Variants in THSD7B observed in about 807,000 individuals in gnomAD.
The protein encoded by THSD7B is thrombospondin type 1 domain containing 7B, also known as thrombospondin type-1 domain-containing protein 7B.
In THSD7B, 138 loss-of-function variants were observed where a neutral mutation model predicts 213.6. The observed-to-expected ratio is 0.65, with a 90% CI of 0.56 to 0.74. The LOEUF (loss-of-function observed/expected upper bound fraction) is 0.74. THSD7B is among the 30% of genes least tolerant of loss of function. THSD7B has a pLI of 0.00. For missense variants in THSD7B, 1,931 were observed against 1,991.5 expected (o/e 0.97, Z 0.58); for synonymous variants, 742 against 687.0 (o/e 1.08, Z -1.25).
At chr2:137,091,940 C>T (rs1328009034) in intron 3 of THSD7B, among the ~76,000 whole-genome samples, 2 of 152,120 alleles carry the variant, frequency 1.3e-5, no homozygotes, top group Non-Finnish European at 2.9e-5. Flanking sequence ...CTCCCCCAGC[C>T]TCTGCTTTAC....
rs59620213 is a variant in THSD7B at position 137,575,725 on chromosome 2, C to CACATATAT, written c.3423+3170_3423+3171insCATATATA. On this transcript the variant is annotated intron_variant, in intron 17 of 27. Transcript: ENST00000409968. ...TGTTTTTTCTTATTCCCATAACACA[C>CACATATAT]ATATATATATATATATATTTTTACT... Among the ~76,000 whole-genome samples, 677 of 110,852 alleles carry CACATATAT rather than the reference C, an allele frequency of 6.1e-3. 6 individuals are homozygous for CACATATAT. The highest frequency in any genetic ancestry group is 0.018 in the African/African-American group (592 of 32,160). 72.7% of individuals were successfully genotyped at this position (110,852 alleles called of 152,430 possible). A position where few individuals can be genotyped will look rare whatever the true frequency, so the allele number is the denominator to read the frequency against.
intron 15 of THSD7B, among the ~76,000 whole-genome samples, chr2:137,561,305 G>T (rs1016891456): frequency 8.5e-5 from 13 of 152,092 alleles, no homozygotes; most frequent in African/African-American, 3.1e-4. Context: ...GTTTGACCTT[G>T]GGGCTTTATA....
chr2:137,318,827 T>C (rs1456729853), intron 12 of THSD7B, among the ~76,000 whole-genome samples: 2 of 112,586 alleles, frequency 1.8e-5, no homozygotes, highest in Admixed American at 2.8e-4. Flanking sequence ...GGAGTCTCAC[T>C]CTTGTTGCCC....
intron 12 of THSD7B, among the ~76,000 whole-genome samples, chr2:137,372,196 A>G (rs912483571): frequency 6.6e-6 from 1 of 151,912 alleles, no homozygotes; most frequent in African/African-American, 2.4e-5. Context: ...GGAAGACCTG[A>G]TTGTCAGTCT....
intron 12 of THSD7B, among the ~76,000 whole-genome samples, chr2:137,295,067 G>C (rs1363286630): frequency 6.6e-6 from 1 of 151,672 alleles, no homozygotes; most frequent in African/African-American, 2.4e-5. Context: ...CTCTCCCCCT[G>C]TATCTCTGCT....
At chr2:137,083,765 A>T (rs1276978602) in intron 3 of THSD7B, among the ~76,000 whole-genome samples, 1 of 152,072 alleles carries the variant, frequency 6.6e-6, no homozygotes, top group Admixed American at 6.6e-5. Context: ...CTGAGTTAGA[A>T]TCTGTAAGCT....
chr2:137,656,788 C>T lies in THSD7B; in HGVS notation c.4106-8C>T. ...GTTTTCTCCACCCTGTACTGCATGACTGTCCAGGAGACTGCCATTTAACAG... is the reference window on the plus strand; with the variant it reads ...GTTTTCTCCACCCTGTACTGCATGATTGTCCAGGAGACTGCCATTTAACAG... On this transcript the variant is annotated splice_polypyrimidine_tract_variant and splice_region_variant and intron_variant, in intron 22 of 27. Transcript: ENST00000409968. 1.2e-6 allele frequency: 2 copies of T among 1,612,444 alleles called. No individual in the cohort carries two copies. Among genetic ancestry groups the T allele is most frequent in the Non-Finnish European group, 1.7e-6 (2 of 1,179,008 alleles).
chr2:137,605,704 C>G (rs1488874627), intron 17 of THSD7B, among the ~76,000 whole-genome samples: 1 of 115,890 alleles, frequency 8.6e-6, no homozygotes, highest in Non-Finnish European at 1.6e-5. Context: ...GAGTCCTGCT[C>G]CGTCGCCAGG....
chr2:136,955,228 T>C lies in THSD7B; in HGVS notation c.139+72911T>C, dbSNP rs564675685. ...CAATTTGAGGTGATGTTTAGAGAGC[T>C]GGAATATATTTGATCACCTTGATGG... On this transcript the variant is annotated intron_variant, in intron 2 of 27. Coordinates refer to ENST00000409968, the MANE Select transcript of THSD7B (RefSeq NM_001316349.2). 5.3e-5 allele frequency among the ~76,000 whole-genome samples: 8 copies of C among 152,276 alleles called. 1 individual carries two copies. In the South Asian group the frequency reaches 1.5e-3, roughly 28 times the overall value.
At chr2:136,829,647 A>C (rs1682716772) in intron 1 of THSD7B, among the ~76,000 whole-genome samples, 1 of 152,122 alleles carries the variant, frequency 6.6e-6, no homozygotes, top group Non-Finnish European at 1.5e-5. Context: ...AAGAAAGATT[A>C]AGCACTCATT....
At chr2:137,646,123 T>C (rs1683026995) in intron 21 of THSD7B, among the ~76,000 whole-genome samples, 1 of 152,174 alleles carries the variant, frequency 6.6e-6, no homozygotes, top group Non-Finnish European at 1.5e-5. Flanking sequence ...CTGTGTGCTG[T>C]GGTCTGAATG....
intron 2 of THSD7B, among the ~76,000 whole-genome samples, chr2:136,986,193 G>A (rs182801441): frequency 1.4e-3 from 80 of 57,284 alleles, no homozygotes; most frequent in Middle Eastern, 0.01. Context: ...ATTAAGATTA[G>A]GGGGGGACTA....
At chr2:137,524,540 T>G (rs1338680592) in intron 15 of THSD7B, among the ~76,000 whole-genome samples, 1 of 152,178 alleles carries the variant, frequency 6.6e-6, no homozygotes, top group African/African-American at 2.4e-5. Context: ...TTGTTTATGT[T>G]TGCCAAACTA....
rs1681371472 is a variant in THSD7B at position 136,765,580 on chromosome 2, G to C, written c.-143G>C. On this transcript the variant is annotated 5_prime_UTR_variant, in exon 1 of 28. Transcript: ENST00000409968. ...AGCCAGAGTCGCCGCCGGGTTGCCA[G>C]ACGCTGGAATGGGTGGTCTTCCGAC... The C allele has an allele frequency of 7.0e-6, 1 of 143,122 alleles. No homozygotes were observed. The highest frequency in any genetic ancestry group is 2.6e-5 in the African/African-American group (1 of 38,618). The allele number at this position is 143,122 out of a possible 1,614,324, so 8.9% of individuals were successfully genotyped here.
intron 14 of THSD7B, among the ~76,000 whole-genome samples, chr2:137,440,242 T>C (rs1687374574): frequency 6.6e-6 from 1 of 152,156 alleles, no homozygotes; most frequent in Non-Finnish European, 1.5e-5. Context: ...TTTTTAAATT[T>C]TAAAGACTGC....
At chr2:137,581,404 A>C (rs910179834) in intron 17 of THSD7B, among the ~76,000 whole-genome samples, 3 of 152,154 alleles carry the variant, frequency 2.0e-5, no homozygotes, top group African/African-American at 7.2e-5. Flanking sequence ...CCTTCCCAAC[A>C]TGGCAAAACC....
chr2:136,819,796 G>A (rs945421444), intron 1 of THSD7B, among the ~76,000 whole-genome samples: 8 of 152,014 alleles, frequency 5.3e-5, no homozygotes, highest in African/African-American at 1.9e-4. Context: ...GAAGTGTAGG[G>A]AGTTTTCTTC....
chr2:136,858,070 G>A (rs1683202806), intron 1 of THSD7B, among the ~76,000 whole-genome samples: 1 of 152,090 alleles, frequency 6.6e-6, no homozygotes. Context: ...TATTTTGGAT[G>A]GTAATAGCAT....
intron 15 of THSD7B, among the ~76,000 whole-genome samples, chr2:137,509,468 A>G (rs937153144): frequency 5.3e-5 from 8 of 151,560 alleles, no homozygotes; most frequent in African/African-American, 1.7e-4. Flanking sequence ...TATCTTAAAC[A>G]TTTTTTTCTC....
Sources: allele counts gnomAD v4.1 joint callset (sites outside exome capture counted in the v4.1 genomes callset), GRCh38; gene constraint gnomAD v4.1.1; transcripts MANE v1.5; gene names NCBI Gene and HGNC (gene_info 2026-07-23, HGNC 2026-07-21).